Variants in SFXN2 observed in about 807,000 individuals in gnomAD.
SFXN2 encodes sideroflexin 2.
SFXN2 carries 37 observed loss-of-function variants against 41.9 expected under a neutral mutation model. The ratio of observed to expected loss-of-function variants is 0.88; its 90% CI spans 0.68 to 1.16. The LOEUF is 1.16. Among genes scored for constraint, SFXN2 ranks in the 50% most tolerant of loss-of-function variants. The pLI, the probability that SFXN2 is intolerant of heterozygous loss-of-function variation, is 0.00. For missense variants in SFXN2, 386 were observed against 425.2 expected, an observed-to-expected ratio of 0.91 and a Z score of 0.81; for synonymous variants, 150 against 156.7, an observed-to-expected ratio of 0.96 and a Z score of 0.32.
intron 1 of SFXN2, among the ~76,000 whole-genome samples, chr10:102,718,986 CCA>C (rs899340338): frequency 9.6e-5 from 14 of 146,180 alleles, no homozygotes; most frequent in African/African-American, 3.6e-4. Flanking sequence ...TGCAGTGGCG[CCA>C]TCTCGGCTCG....
rs1335351182 is a variant in SFXN2 at position 102,738,921 on chromosome 10, G to C, written c.*1159G>C. The C allele has an allele frequency of 1.3e-5, 2 of 152,668 alleles. No individual in the cohort carries two copies. Among genetic ancestry groups the C allele is most frequent in the Non-Finnish European group, 2.9e-5 (2 of 68,072 alleles). The allele number at this position is 152,668 out of a possible 1,614,324, so 9.5% of individuals were successfully genotyped here. A position where few individuals can be genotyped will look rare whatever the true frequency, so the allele number is the denominator to read the frequency against. ...CACCAAAGAAAGACTGGTGTGTACTGAATAGGAAAGGGAAGTTTTATTTGG... is the reference window on the plus strand; with the variant it reads ...CACCAAAGAAAGACTGGTGTGTACTCAATAGGAAAGGGAAGTTTTATTTGG... On this transcript the variant is annotated 3_prime_UTR_variant, in exon 12 of 12. Coordinates refer to ENST00000369893, the MANE Select transcript of SFXN2 (RefSeq NM_178858.6).
intron 1 of SFXN2, among the ~76,000 whole-genome samples, chr10:102,715,911 A>G (rs1220908113): frequency 1.3e-5 from 2 of 150,870 alleles, no homozygotes; most frequent in African/African-American, 2.4e-5. Flanking sequence ...AGCCTGGGTG[A>G]AAGAGCAAGA....
At position 102,732,896 on chromosome 10, in the gene SFXN2, G is replaced by A; in HGVS notation, c.759G>A (p.Leu253=). The change falls in exon 9 of 12, where the codon TTG becomes TTA. Residue 253 remains leucine (L), a synonymous_variant. Transcript: ENST00000369893. The stretch of plus-strand genomic sequence containing the variant: ...TCATCATGGAAAGGCTTGAGAAATT[G>A]CACTTCATGCAGGTATGTAGGGTTT... ...LPVIMERLEK[L]HFMQKVKVLH... is the part of the protein sequence containing the mutation. 1.2e-6 allele frequency: 2 copies of A among 1,614,076 alleles called. No homozygotes were observed. Among genetic ancestry groups the A allele is most frequent in the Non-Finnish European group, 1.7e-6 (2 of 1,180,004 alleles).
intron 7 of SFXN2, 101 bp downstream of exon 7, chr10:102,731,884 C>G (rs2064709750): frequency 9.4e-7 from 1 of 1,067,540 alleles, no homozygotes; most frequent in South Asian, 1.5e-5. Context: ...GATTGAGAAG[C>G]CTTTTCTGGC....
chr10:102,729,068 C>T (rs1416221351), intron 4 of SFXN2, among the ~76,000 whole-genome samples: 3 of 152,212 alleles, frequency 2.0e-5, no homozygotes, highest in African/African-American at 4.8e-5. Flanking sequence ...GGAACACCTC[C>T]CCGCATAGGG....
chr10:102,729,227 G>C, intron 4 of SFXN2, 92 bp from the exon 5 acceptor site: 1 of 1,240,986 alleles, frequency 8.1e-7, no homozygotes, highest in South Asian at 1.3e-5. Flanking sequence ...TTTCACGCAC[G>C]AAGCCTCGCC....
Position 102,740,060 on chromosome 10 carries a change from T to TA in SFXN2, c.*2299dup, listed in dbSNP as rs1239704474. The TA allele has an allele frequency of 6.6e-6, 1 of 152,158 alleles. No homozygotes were observed. The highest frequency in any genetic ancestry group is 1.9e-4 in the East Asian group (1 of 5,196). 9.4% of individuals were successfully genotyped at this position (152,158 alleles called of 1,614,324 possible). On this transcript the variant is annotated 3_prime_UTR_variant, in exon 12 of 12. Coordinates refer to ENST00000369893, the MANE Select transcript of SFXN2 (RefSeq NM_178858.6). ...GCTGATTCTGTTGGTCTTGGCACCATACGTGGAGGAGCACTGCTCTAAGGG... is the reference window on the plus strand; with the variant it reads ...GCTGATTCTGTTGGTCTTGGCACCATAACGTGGAGGAGCACTGCTCTAAGGG...
At chr10:102,733,051 C>A in intron 9 of SFXN2, 143 bp downstream of exon 9, 1 of 808,222 alleles carries the variant, frequency 1.2e-6, no homozygotes. Flanking sequence ...ACACCAATCT[C>A]CACTGACCTC....
intron 1 of SFXN2, chr10:102,724,934 A>G (rs1178036709): frequency 1.1e-5 from 1 of 94,400 alleles, no homozygotes; most frequent in Non-Finnish European, 2.3e-5. Flanking sequence ...TTTTCTTTTT[A>G]GTATGCCTTG....
rs1263789270 is a variant in SFXN2, at chr10:102,738,637, CAG to C, written c.*877_*878del. The stretch of plus-strand genomic sequence containing the variant: ...GGAGTGCTGCTAACCTTGAAATTAT[CAG>C]ACACTTAGGAGTTATTAGTGCTAAA... On this transcript the variant is annotated 3_prime_UTR_variant, in exon 12 of 12. Transcript: ENST00000369893. The C allele has an allele frequency of 6.6e-6, 1 of 152,136 alleles. No individual in the cohort carries two copies. The highest frequency in any genetic ancestry group is 1.5e-5 in the Non-Finnish European group (1 of 68,038). 9.4% of individuals were successfully genotyped at this position (152,136 alleles called of 1,614,324 possible).
rs1178906899 is a variant in SFXN2, at chr10:102,739,923, A to C, written c.*2161A>C. 1 of 151,768 alleles carries C rather than the reference A, an allele frequency of 6.6e-6. No individual in the cohort carries two copies. The highest frequency in any genetic ancestry group is 1.5e-5 in the Non-Finnish European group (1 of 67,962). 9.4% of individuals were successfully genotyped at this position (151,768 alleles called of 1,614,324 possible). On this transcript the variant is annotated 3_prime_UTR_variant, in exon 12 of 12. Coordinates refer to ENST00000369893, the MANE Select transcript of SFXN2 (RefSeq NM_178858.6). ...GTCTCAAAAAAAAAAAAGAAAACAC[A>C]TCAGAATTAGCTGGCAGGCTTGTTA...
intron 1 of SFXN2, among the ~76,000 whole-genome samples, chr10:102,724,469 C>T (rs1012015734): frequency 8.5e-5 from 13 of 152,150 alleles, no homozygotes; most frequent in East Asian, 1.9e-4. Context: ...TTTGGGAGGC[C>T]GAGGTGGGCG....
chr10:102,729,628 C>T, intron 5 of SFXN2, 95 bp from the exon 6 acceptor site: 1 of 1,332,196 alleles, frequency 7.5e-7, no homozygotes, highest in Admixed American at 2.0e-5. Context: ...GGTAGCAAGG[C>T]CTAGTTTTCT....
At chr10:102,718,749 T>C (rs1053459591) in intron 1 of SFXN2, among the ~76,000 whole-genome samples, 5 of 152,064 alleles carry the variant, frequency 3.3e-5, no homozygotes, top group Non-Finnish European at 7.4e-5. Context: ...AATCTAAAAA[T>C]TGACCACTGC....
rs3802677 is a variant in SFXN2 at position 102,726,953 on chromosome 10, A to G, written c.162-34A>G. 2.5e-5 allele frequency: 40 copies of G among 1,588,012 alleles called. 1 individual carries two copies. The East Asian group carries it at 8.6e-4, about 34-fold the overall frequency. ...GGAGACTGGGAGACATTGATCAGGC[A>G]GGATGGTGACTGCCTGCTGTCCTTG... On this transcript the variant is annotated intron_variant, in intron 2 of 11. Coordinates refer to ENST00000369893, the MANE Select transcript of SFXN2 (RefSeq NM_178858.6).
rs1158912632 is a variant in SFXN2 at position 102,741,311 on chromosome 10, T to C, written c.*3549T>C. On this transcript the variant is annotated 3_prime_UTR_variant, in exon 12 of 12. Transcript: ENST00000369893. Reference sequence around the variant, plus strand: ...CTTTCTTGCCCAGGCTGGAGTGCAATGGTATGATCATGACTCATTGCTTCC... The same window carrying C: ...CTTTCTTGCCCAGGCTGGAGTGCAACGGTATGATCATGACTCATTGCTTCC... 1 of 152,174 alleles carries C rather than the reference T, an allele frequency of 6.6e-6. No individual in the cohort carries two copies. Among genetic ancestry groups the C allele is most frequent in the Non-Finnish European group, 1.5e-5 (1 of 68,032 alleles). 9.4% of individuals were successfully genotyped at this position (152,174 alleles called of 1,614,324 possible).
intron 1 of SFXN2, among the ~76,000 whole-genome samples, chr10:102,722,116 T>A (rs894641828): frequency 3.3e-5 from 5 of 152,228 alleles, no homozygotes; most frequent in Admixed American, 3.3e-4. Context: ...ACTACATATC[T>A]GATCTTGTCA....
chr10:102,714,927 A>G, intron 1 of SFXN2: 1 of 153,282 alleles, frequency 6.5e-6, no homozygotes, highest in Non-Finnish European at 1.4e-5. Flanking sequence ...GGGATGGGGG[A>G]GTACCGATGG....
chr10:102,736,596 T>C (rs2064782979), intron 11 of SFXN2, among the ~76,000 whole-genome samples: 1 of 151,980 alleles, frequency 6.6e-6, no homozygotes, highest in Admixed American at 6.5e-5. Flanking sequence ...TTTGTATTTT[T>C]AGTAGAGACG....
Sources: gnomAD v4.1 joint callset for allele counts (sites outside exome capture counted in the v4.1 genomes callset) on GRCh38, gnomAD v4.1.1 for gene constraint, MANE v1.5 for transcripts, NCBI Gene and HGNC (gene_info 2026-07-23, HGNC 2026-07-21) for gene names.